The following GLYAT variants were observed in gnomAD, a reference collection of about 807,000 sequenced individuals.
GLYAT encodes glycine N-acyltransferase.
A neutral mutation model predicts 22.8 loss-of-function variants in GLYAT; 25 were observed. The ratio of observed to expected loss-of-function variants is 1.09; its 90% CI spans 0.80 to 1.53. The LOEUF (loss-of-function observed/expected upper bound fraction) is 1.53, where lower values mean the gene tolerates loss of function less well. GLYAT is among the 40% of genes most tolerant of loss of function. The probability of loss-of-function intolerance (pLI) is 0.00; values close to 1 mark genes in which losing one functional copy is unlikely to be tolerated. For missense variants in GLYAT, 411 were observed against 353.9 expected (o/e 1.16, Z -1.29); for synonymous variants, 140 against 122.7 (o/e 1.14, Z -0.93).
At chr11:58,713,025 CATA>C (rs1856636088) in intron 3 of GLYAT, 139 bp from the exon 4 acceptor site, 4 of 557,800 alleles carry the variant, frequency 7.2e-6, no homozygotes, top group African/African-American at 5.7e-5. Flanking sequence ...TTTATTGATA[CATA>C]ATATTTGTAA....
intron 3 of GLYAT, among the ~76,000 whole-genome samples, chr11:58,715,106 C>G (rs1484263732): frequency 6.6e-6 from 1 of 152,038 alleles, no homozygotes; most frequent in Admixed American, 6.6e-5. Context: ...TGGCCTCTTT[C>G]TGTATCCTGT....
In GLYAT at chr11:58,712,759, C is replaced by A; in HGVS notation, c.316+1G>T. On this transcript the variant is annotated splice_donor_variant, in intron 4 of 5. Transcript: ENST00000344743. LOFTEE classifies it high-confidence loss of function. ...GCACACATCCCATTCCTCTTACTTA[C>A]TTTGAATCTGTAAATGCTGTTTCCA... 1 of 1,612,940 alleles carries A rather than the reference C, an allele frequency of 6.2e-7. No homozygotes were observed.
chr11:58,725,614 GGGCAGAA>G (rs1856803439), intron 1 of GLYAT, among the ~76,000 whole-genome samples: 1 of 152,114 alleles, frequency 6.6e-6, no homozygotes, highest in African/African-American at 2.4e-5. Context: ...TTTGACTGAG[GGGCAGAA>G]GGCAGAAGGA....
chr11:58,712,925 A>G, intron 3 of GLYAT, 39 bp from the exon 4 acceptor site: 1 of 1,351,100 alleles, frequency 7.4e-7, no homozygotes, highest in Non-Finnish European at 1.0e-6. Context: ...ACACATCCTT[A>G]TATTTTATGA....
rs752514559 is a variant in GLYAT, at chr11:58,712,814, C to T, written c.262G>A (p.Glu88Lys). Residue 88 changes from glutamate (E) to lysine (K), a missense_variant, in exon 4 of 6, where the codon GAA (glutamate) becomes AAA (lysine). Glu to Lys is a moderately conservative substitution (Grantham distance 56, BLOSUM62 1). Coordinates refer to ENST00000344743, the MANE Select transcript of GLYAT (RefSeq NM_201648.3). ...ATGAGTTCTGGTGATCCAAGGAATTCCTGACAGTTTTGGGGATCTTTGGAG... is the reference window on the plus strand; with the variant it reads ...ATGAGTTCTGGTGATCCAAGGAATTTCTGACAGTTTTGGGGATCTTTGGAG... ...IYSKDPQNCQ[E>K]FLGSPELINW... 3.7e-6 allele frequency: 6 copies of T among 1,611,826 alleles called. No individual in the cohort carries two copies. The East Asian group carries it at 8.9e-5, about 24-fold the overall frequency.
At chr11:58,713,036 T>C in intron 3 of GLYAT, 150 bp from the exon 4 acceptor site, 2 of 556,954 alleles carry the variant, frequency 3.6e-6, no homozygotes, top group Non-Finnish European at 6.2e-6. Context: ...ATAATATTTG[T>C]AAAAAATGTG....
At chr11:58,728,014 T>G (rs546514564) in intron 1 of GLYAT, among the ~76,000 whole-genome samples, 1 of 148,420 alleles carries the variant, frequency 6.7e-6, no homozygotes, top group South Asian at 2.2e-4. Flanking sequence ...CTTCCAAGTT[T>G]CCAAGTGCAC....
In GLYAT at chr11:58,724,505, C is replaced by T. The variant is rs371878373; in HGVS notation, c.-9G>A. ...TGCAATGGTAACATCATGGAGGATA[C>T]CTTAGCCTAGAAAGACAACCAAGGA... On this transcript the variant is annotated 5_prime_UTR_variant, in exon 2 of 6. Transcript: ENST00000344743. 1.3e-5 allele frequency: 20 copies of T among 1,571,642 alleles called. No individual in the cohort carries two copies. The African/African-American group carries it at 1.8e-4, about 14-fold the overall frequency.
intron 4 of GLYAT, 133 bp from the exon 5 acceptor site, chr11:58,710,894 C>A: frequency 3.4e-6 from 2 of 587,622 alleles, no homozygotes; most frequent in Non-Finnish European, 6.1e-6. Context: ...CACTGTGTGA[C>A]CCATGTCAAT....
At chr11:58,716,774 C>G (rs767353654) in intron 2 of GLYAT, among the ~76,000 whole-genome samples, 1 of 152,030 alleles carries the variant, frequency 6.6e-6, no homozygotes, top group Non-Finnish European at 1.5e-5. Flanking sequence ...GAGTGCACAC[C>G]CGTGAAACAG....
Position 58,710,247 on chromosome 11 carries a change from A to G in GLYAT, c.489-79T>C, listed in dbSNP as rs1220969040. On this transcript the variant is annotated intron_variant, in intron 5 of 5. Transcript: ENST00000344743. ...GCTGTGACCTCTATTGTCTTGAGAGACAGAGTAGACAGAAGAAATAACAAA... is the reference window on the plus strand; with the variant it reads ...GCTGTGACCTCTATTGTCTTGAGAGGCAGAGTAGACAGAAGAAATAACAAA... The G allele has an allele frequency of 3.3e-6, 5 of 1,499,136 alleles. No homozygotes were observed. In the African/African-American group the frequency reaches 7.0e-5, roughly 21 times the overall value. The allele number at this position is 1,499,136 out of a possible 1,614,324, so 92.9% of individuals were successfully genotyped here. A position where few individuals can be genotyped will look rare whatever the true frequency, so the allele number is the denominator to read the frequency against.
intron 1 of GLYAT, among the ~76,000 whole-genome samples, 176 bp from the exon 2 acceptor site, chr11:58,724,687 G>C (rs1856794207): frequency 6.6e-6 from 1 of 152,018 alleles, no homozygotes; most frequent in Non-Finnish European, 1.5e-5. Context: ...AGCTTTCTCT[G>C]AGTTTTTTAG....
intron 1 of GLYAT, among the ~76,000 whole-genome samples, chr11:58,729,427 A>G (rs1856849108): frequency 1.3e-5 from 2 of 152,252 alleles, no homozygotes; most frequent in African/African-American, 4.8e-5. Flanking sequence ...TAAATATCGT[A>G]TATATTTATG....
rs181346940 is a variant in GLYAT at position 58,728,989 on chromosome 11, A to T, written c.-16+2846T>A. 3.7e-4 allele frequency among the ~76,000 whole-genome samples: 56 copies of T among 152,100 alleles called. No homozygotes were observed. The East Asian group carries it at 0.01, about 28-fold the overall frequency. Reference sequence around the variant, plus strand: ...AAAGGAAGGAAGGAAGAAAGGAAGGAAGGAAGTTCCTAGAGTCTGGCTAAT... The same window carrying T: ...AAAGGAAGGAAGGAAGAAAGGAAGGTAGGAAGTTCCTAGAGTCTGGCTAAT... On this transcript the variant is annotated intron_variant, in intron 1 of 5. Transcript: ENST00000344743.
intron 1 of GLYAT, among the ~76,000 whole-genome samples, chr11:58,730,005 T>TG (rs1329795298): frequency 6.6e-6 from 1 of 152,120 alleles, no homozygotes; most frequent in Non-Finnish European, 1.5e-5. Flanking sequence ...CATGCTTGGT[T>TG]GGGGTAAACT....
chr11:58,709,810 GA>G lies in GLYAT; in HGVS notation c.846del (p.Ile284PhefsTer31), dbSNP rs774314915. The G allele has an allele frequency of 1.7e-5, 27 of 1,613,520 alleles. No homozygotes were observed. Among genetic ancestry groups the G allele is most frequent in the Non-Finnish European group, 2.2e-5 (26 of 1,179,626 alleles). ...CACTGGTTCCAGCTTCTGGGAATGG[GA>G]ACATGTTGCAGTGTGTAACTCATTT... is the stretch of plus-strand genomic sequence containing the variant. ...MQKMSYTLQH[V>X]PIPRSWNQWN... On this transcript the variant is annotated frameshift_variant, in exon 6 of 6. Coordinates refer to ENST00000344743, the MANE Select transcript of GLYAT (RefSeq NM_201648.3). LOFTEE classifies it high-confidence loss of function.
At chr11:58,720,959 A>G (rs1313541257) in intron 2 of GLYAT, among the ~76,000 whole-genome samples, 3 of 152,078 alleles carry the variant, frequency 2.0e-5, no homozygotes, top group Non-Finnish European at 4.4e-5. Flanking sequence ...TAAACTTGAA[A>G]AAGGATTTTA....
At chr11:58,719,373 T>A (rs1434843300) in intron 2 of GLYAT, among the ~76,000 whole-genome samples, 1 of 152,000 alleles carries the variant, frequency 6.6e-6, no homozygotes, top group Non-Finnish European at 1.5e-5. Flanking sequence ...TTATAAAATG[T>A]AACTTCCTTA....
chr11:58,730,008 G>A (rs564790884), intron 1 of GLYAT, among the ~76,000 whole-genome samples: 1 of 152,198 alleles, frequency 6.6e-6, no homozygotes, highest in Admixed American at 6.5e-5. Context: ...GCTTGGTTGG[G>A]GTAAACTGAA....
Sources: allele counts gnomAD v4.1 joint callset (sites outside exome capture counted in the v4.1 genomes callset), GRCh38; gene constraint gnomAD v4.1.1; transcripts MANE v1.5; gene names NCBI Gene and HGNC (gene_info 2026-07-23, HGNC 2026-07-21).